Variants in HLTF observed in about 807,000 individuals in gnomAD.
HLTF encodes helicase like transcription factor.
A neutral mutation model predicts 129.4 loss-of-function variants in HLTF; 127 were observed. That is an observed-to-expected ratio of 0.98 (90% CI 0.85 to 1.14). HLTF has a LOEUF of 1.14. Among genes scored for constraint, HLTF ranks in the 50% most tolerant of loss-of-function variants. The pLI, the probability that HLTF is intolerant of heterozygous loss-of-function variation, is 0.00. For synonymous variants in HLTF, 332 were observed against 388.8 expected (o/e 0.85, Z 1.72); for missense variants, 1,139 against 1,187.1 (o/e 0.96, Z 0.60).
At chr3:149,034,879 T>A in intron 24 of HLTF, 39 bp downstream of exon 24, 1 of 1,341,824 alleles carries the variant, frequency 7.5e-7, no homozygotes, top group Non-Finnish European at 1.1e-6. Flanking sequence ...GTAAAAATCG[T>A]ATCAACCTAG....
rs746288848 is a variant in HLTF at position 149,055,371 on chromosome 3, T to G, written c.1405A>C (p.Thr469Pro). ...GTTCTTGGTCTCTCCTCAACATCAG[T>G]TTTCTTTGACCCCTCCACTGCACAA... ...GACAVEGSKK[T>P]DVEERPRTTL... is the part of the protein sequence containing the mutation. Residue 469 changes from threonine to proline, a missense_variant, in exon 14 of 25, where the codon ACT (threonine) becomes CCT (proline). Thr to Pro is a conservative substitution (Grantham distance 38). Coordinates refer to ENST00000310053, the MANE Select transcript of HLTF (RefSeq NM_003071.4). The G allele has an allele frequency of 2.0e-5, 33 of 1,613,736 alleles. No homozygotes were observed. Among genetic ancestry groups the G allele is most frequent in the Non-Finnish European group, 2.5e-5 (29 of 1,179,826 alleles).
intron 2 of HLTF, among the ~76,000 whole-genome samples, chr3:149,080,682 G>A (rs540369484): frequency 7.2e-4 from 109 of 152,042 alleles, no homozygotes; most frequent in Non-Finnish European, 1.3e-3. Context: ...ATCATAATAA[G>A]CTATCATTAA....
chr3:149,053,749 TAAATATA>T (rs1446359625), intron 14 of HLTF, among the ~76,000 whole-genome samples: 2 of 152,182 alleles, frequency 1.3e-5, no homozygotes, highest in Non-Finnish European at 2.9e-5. Flanking sequence ...TGAACTTTCC[TAAATATA>T]AAATTATAAT....
rs545373356 is a variant in HLTF, at chr3:149,053,328, C to A, written c.1473+1975G>T. 2.6e-5 allele frequency among the ~76,000 whole-genome samples: 4 copies of A among 152,240 alleles called. No homozygotes were observed. The East Asian group carries it at 5.8e-4, about 22-fold the overall frequency. On this transcript the variant is annotated intron_variant, in intron 14 of 24. Transcript: ENST00000310053. ...TCCCTCCTGAGTGGCTTAGTGCTATCCCCTTGGTGATGAGTGAGTTCTCAC... is the reference window on the plus strand; with the variant it reads ...TCCCTCCTGAGTGGCTTAGTGCTATACCCTTGGTGATGAGTGAGTTCTCAC...
chr3:149,063,626 T>G, intron 9 of HLTF, 102 bp from the exon 10 acceptor site: 1 of 663,402 alleles, frequency 1.5e-6, no homozygotes, highest in South Asian at 1.8e-5. Flanking sequence ...GATTTTCAGT[T>G]TTCTTAAGAT....
In HLTF at chr3:149,079,912, A is replaced by G. The variant is rs557431961; in HGVS notation, c.229-3865T>C. Among the ~76,000 whole-genome samples, 8 of 152,244 alleles carry G rather than the reference A, an allele frequency of 5.3e-5. No individual in the cohort carries two copies. The South Asian group carries it at 1.7e-3, about 32-fold the overall frequency. Reference sequence around the variant, plus strand: ...CATGCCCAGCCACAAAGTTTTTTATATACTGTTAAGTTGGCACTAATCCAA... The same window carrying G: ...CATGCCCAGCCACAAAGTTTTTTATGTACTGTTAAGTTGGCACTAATCCAA... On this transcript the variant is annotated intron_variant, in intron 2 of 24. Coordinates refer to ENST00000310053, the MANE Select transcript of HLTF (RefSeq NM_003071.4).
chr3:149,046,519 G>A (rs71304443), intron 17 of HLTF, among the ~76,000 whole-genome samples: 4 of 151,724 alleles, frequency 2.6e-5, no homozygotes, highest in Non-Finnish European at 4.4e-5. Context: ...CCTTATTTTC[G>A]TAAGTTCTGT....
Position 149,039,569 on chromosome 3 carries a change from T to A in HLTF, c.2615+12A>T, listed in dbSNP as rs749373972. The A allele has an allele frequency of 8.2e-7, 1 of 1,221,778 alleles. No individual in the cohort carries two copies. Among genetic ancestry groups the A allele is most frequent in the Non-Finnish European group, 1.2e-6 (1 of 844,222 alleles). The allele number at this position is 1,221,778 out of a possible 1,614,324, so 75.7% of individuals were successfully genotyped here. On this transcript the variant is annotated intron_variant, in intron 22 of 24. Coordinates refer to ENST00000310053, the MANE Select transcript of HLTF (RefSeq NM_003071.4). ...TCCTTTTACTGAAAGTGAAAAACAC[T>A]GTGGAACTTACTTAAGTGGTATTTC...
At chr3:149,084,556 G>A (rs987469379) in intron 2 of HLTF, 126 bp downstream of exon 2, 13 of 705,082 alleles carry the variant, frequency 1.8e-5, no homozygotes, top group East Asian at 8.2e-5. Flanking sequence ...TATTTTTTGC[G>A]TACAAATATT....
At chr3:149,063,200 CAG>C in intron 10 of HLTF, 1 of 442,798 alleles carries the variant, frequency 2.3e-6, no homozygotes, top group South Asian at 1.8e-5. Context: ...ACTGGGACTA[CAG>C]GCGCCCACGA....
chr3:149,078,125 A>G (rs1050192990), intron 2 of HLTF, among the ~76,000 whole-genome samples: 1 of 152,252 alleles, frequency 6.6e-6, no homozygotes, highest in African/African-American at 2.4e-5. Flanking sequence ...AAAAAGTACA[A>G]GACATGCAAA....
chr3:149,059,343 TA>T, intron 13 of HLTF: 1 of 397,988 alleles, frequency 2.5e-6, no homozygotes, highest in Non-Finnish European at 4.9e-6. Context: ...CAAAGATCAC[TA>T]ACATTTTAAA....
chr3:149,039,754 A>T (rs568715610), intron 21 of HLTF, 61 bp from the exon 22 acceptor site: 2 of 894,520 alleles, frequency 2.2e-6, no homozygotes, highest in African/African-American at 3.5e-5. Context: ...TTAGTCTAAA[A>T]GTTTTTATCA....
At chr3:149,073,041 C>G (rs555286176) in intron 5 of HLTF, among the ~76,000 whole-genome samples, 184 bp downstream of exon 5, 1 of 152,200 alleles carries the variant, frequency 6.6e-6, no homozygotes, top group East Asian at 1.9e-4. Context: ...TATTCCTTAT[C>G]AGTACTTTTT....
Position 149,060,847 on chromosome 3 carries a change from G to A in HLTF, c.1172C>T (p.Ala391Val), listed in dbSNP as rs373405860. Residue 391 changes from alanine (A) to valine (V), a missense_variant, in exon 11 of 25, where the codon GCT becomes GTT. Transcript: ENST00000310053. ...SSSRPKRRKT[A>V]VQYIESSDSE... ...ATCACTGCTTTCTATGTACTGGACA[G>A]CAGTTTTTCTTCTAAAATTAAGTAT... 2.5e-6 allele frequency: 4 copies of A among 1,609,608 alleles called. No homozygotes were observed. The African/African-American group carries it at 4.0e-5, about 16-fold the overall frequency.
At chr3:149,047,772 TAGC>T (rs1716674811) in intron 17 of HLTF, among the ~76,000 whole-genome samples, 1 of 152,166 alleles carries the variant, frequency 6.6e-6, no homozygotes, top group African/African-American at 2.4e-5. Context: ...CTTTGGGGCT[TAGC>T]AACACACAAA....
chr3:149,077,677 G>A (rs1379726611), intron 2 of HLTF, among the ~76,000 whole-genome samples: 1 of 151,478 alleles, frequency 6.6e-6, no homozygotes, highest in Non-Finnish European at 1.5e-5. Context: ...CACAGGGCTG[G>A]TATGCATGAC....
In HLTF at chr3:149,073,324, T is replaced by C. The variant is rs138362499; in HGVS notation, c.530-2A>G. ...CACTTTCCAAATTGAATCCTAAAGC[T>C]ATAATTTACAAAATAAAAAGAATAA... On this transcript the variant is annotated splice_acceptor_variant, in intron 4 of 24. Transcript: ENST00000310053. LOFTEE classifies it high-confidence loss of function. The C allele has an allele frequency of 8.8e-6, 14 of 1,590,390 alleles. No individual in the cohort carries two copies. In the South Asian group the frequency reaches 1.1e-4, roughly 13 times the overall value.
Position 149,032,137 on chromosome 3 carries a change from GATCTC to G in HLTF, c.*78_*82del. ...CCCCTTTTAGAAGACGTGTTCTCTA[GATCTC>G]ATTTCTAAAACTCTGTATTTTTCTC... is the stretch of plus-strand genomic sequence containing the variant. On this transcript the variant is annotated 3_prime_UTR_variant, in exon 25 of 25. Coordinates refer to ENST00000310053, the MANE Select transcript of HLTF (RefSeq NM_003071.4). 9.5e-7 allele frequency: 1 copy of G among 1,053,616 alleles called. No individual in the cohort carries two copies. The highest frequency in any genetic ancestry group is 1.9e-5 in the South Asian group (1 of 53,210). 65.3% of individuals were successfully genotyped at this position (1,053,616 alleles called of 1,614,324 possible).
Sources: gnomAD v4.1 joint callset for allele counts (sites outside exome capture counted in the v4.1 genomes callset) on GRCh38, gnomAD v4.1.1 for gene constraint, MANE v1.5 for transcripts, NCBI Gene and HGNC (gene_info 2026-07-23, HGNC 2026-07-21) for gene names.